Variants in SAMD8 observed in about 807,000 individuals in gnomAD.
The protein encoded by SAMD8 is sterile alpha motif domain containing 8, also known as sphingomyelin synthase-related protein 1.
Under a neutral mutation model 42.0 loss-of-function variants are expected in SAMD8, and 20 were observed. That is an observed-to-expected ratio of 0.48 (90% CI 0.34 to 0.69). SAMD8 has a LOEUF of 0.69. Ranked by LOEUF, SAMD8 falls within the 30% of genes least tolerant of loss-of-function variation. SAMD8 has a pLI of 0.01. For synonymous variants in SAMD8, 162 were observed against 173.0 expected (o/e 0.94, Z 0.50); for missense variants, 328 against 511.6 (o/e 0.64, Z 3.46).
At chr10:75,118,066 C>CT (rs1589932291) in intron 1 of SAMD8, among the ~76,000 whole-genome samples, 1 of 152,240 alleles carries the variant, frequency 6.6e-6, no homozygotes, top group East Asian at 1.9e-4. Context: ...TATATGACAA[C>CT]TTTTTTTGAG....
At chr10:75,160,441 T>G (rs2657283) in intron 2 of SAMD8, among the ~76,000 whole-genome samples, 1 of 151,448 alleles carries the variant, frequency 6.6e-6, no homozygotes, top group Non-Finnish European at 1.5e-5. Context: ...CTCCTGTCCT[T>G]GTGATCCGCC....
chr10:75,158,407 C>T (rs928256450), intron 2 of SAMD8, among the ~76,000 whole-genome samples: 12 of 151,984 alleles, frequency 7.9e-5, no homozygotes, highest in African/African-American at 2.9e-4. Context: ...GCCTGGCCAA[C>T]ATGGCGAAAC....
intron 1 of SAMD8, among the ~76,000 whole-genome samples, chr10:75,132,285 T>G (rs2134447305): frequency 6.6e-6 from 1 of 152,354 alleles, no homozygotes; most frequent in East Asian, 1.9e-4. Context: ...GCGTTCTGAT[T>G]ATTAAATCAG....
intron 3 of SAMD8, 32 bp from the exon 4 acceptor site, chr10:75,168,509 A>G (rs370352799): frequency 6.2e-7 from 1 of 1,606,256 alleles, no homozygotes; most frequent in Non-Finnish European, 8.5e-7. Flanking sequence ...TTTTCTTCTG[A>G]TCTTTCCCCC....
rs1347619339 is a variant in SAMD8 at position 75,179,983 on chromosome 10, G to C, written c.*3291G>C. ...GTTACAAGTCTTCAATGCATTTTCT[G>C]TGTTCCTGGCAGCAGTGTTGCCTTT... On this transcript the variant is annotated 3_prime_UTR_variant, in exon 6 of 6. Transcript: ENST00000542569. 1 of 151,378 alleles carries C rather than the reference G, an allele frequency of 6.6e-6. No individual in the cohort carries two copies. The highest frequency in any genetic ancestry group is 2.4e-5 in the African/African-American group (1 of 41,194). 9.4% of individuals were successfully genotyped at this position (151,378 alleles called of 1,614,324 possible). A position where few individuals can be genotyped will look rare whatever the true frequency, so the allele number is the denominator to read the frequency against.
intron 1 of SAMD8, among the ~76,000 whole-genome samples, chr10:75,135,453 C>CAAA (rs151099768): frequency 0.014 from 1,638 of 117,332 alleles, 29 homozygotes; most frequent in African/African-American, 0.046. Flanking sequence ...AATTCCATCT[C>CAAA]AAAAAAAAAA....
intron 1 of SAMD8, among the ~76,000 whole-genome samples, chr10:75,118,316 G>C (rs12354987): frequency 6.6e-6 from 1 of 152,184 alleles, no homozygotes; most frequent in Non-Finnish European, 1.5e-5. Flanking sequence ...AGATTTTATC[G>C]ATGTTTTGGA....
rs1277342609 is a variant in SAMD8, at chr10:75,177,487, A to G, written c.*795A>G. On this transcript the variant is annotated 3_prime_UTR_variant, in exon 6 of 6. Coordinates refer to ENST00000542569, the MANE Select transcript of SAMD8 (RefSeq NM_001174156.2). Reference sequence around the variant, plus strand: ...GTACCCAGAATAACTTCTTTGTGCTATAGTTGTTAGATGACAGTTCAATTT... The same window carrying G: ...GTACCCAGAATAACTTCTTTGTGCTGTAGTTGTTAGATGACAGTTCAATTT... The G allele has an allele frequency of 6.6e-6, 1 of 152,214 alleles. No individual in the cohort carries two copies. Among genetic ancestry groups the G allele is most frequent in the Admixed American group, 6.5e-5 (1 of 15,284 alleles). 9.4% of individuals were successfully genotyped at this position (152,214 alleles called of 1,614,324 possible). A position where few individuals can be genotyped will look rare whatever the true frequency, so the allele number is the denominator to read the frequency against.
intron 2 of SAMD8, among the ~76,000 whole-genome samples, chr10:75,156,676 G>A (rs1840417520): frequency 6.6e-6 from 1 of 151,300 alleles, no homozygotes; most frequent in Non-Finnish European, 1.5e-5. Flanking sequence ...TAATCACGAA[G>A]AAACAATCAG....
intron 1 of SAMD8, among the ~76,000 whole-genome samples, chr10:75,142,383 A>G (rs1458409866): frequency 6.6e-6 from 1 of 151,540 alleles, no homozygotes. Context: ...GCTATTGTTA[A>G]CATATGTTTT....
intron 1 of SAMD8, among the ~76,000 whole-genome samples, chr10:75,144,728 G>A (rs991088278): frequency 6.6e-6 from 1 of 152,104 alleles, no homozygotes; most frequent in African/African-American, 2.4e-5. Context: ...CGCGATCTCA[G>A]TCCACTGCAG....
intron 2 of SAMD8, among the ~76,000 whole-genome samples, chr10:75,155,770 G>A (rs1477700295): frequency 1.3e-5 from 2 of 152,212 alleles, no homozygotes; most frequent in East Asian, 1.9e-4. Flanking sequence ...TGGGAAGCTG[G>A]TTGAGTAGAC....
intron 1 of SAMD8, among the ~76,000 whole-genome samples, chr10:75,114,194 T>G (rs4746264): frequency 6.6e-6 from 1 of 151,698 alleles, no homozygotes. Context: ...AAAGAATTAA[T>G]CAGGTGTGGT....
chr10:75,176,259 C>T lies in SAMD8; in HGVS notation c.943+43C>T, dbSNP rs1414250070. ...GCTTCTATGCGTATTAGGTAACTAGCTGCAGTGAAGGCTGTGGGAAGGGTG... is the reference window on the plus strand; with the variant it reads ...GCTTCTATGCGTATTAGGTAACTAGTTGCAGTGAAGGCTGTGGGAAGGGTG... On this transcript the variant is annotated intron_variant, in intron 5 of 5. Coordinates refer to ENST00000542569, the MANE Select transcript of SAMD8 (RefSeq NM_001174156.2). The surrounding 1 kb of genome is among the most constrained non-coding windows in gnomAD (Gnocchi z 4.3). The T allele has an allele frequency of 2.5e-6, 4 of 1,613,880 alleles. No individual in the cohort carries two copies. The highest frequency in any genetic ancestry group is 3.4e-6 in the Non-Finnish European group (4 of 1,179,840).
upstream of SAMD8, chr10:75,109,306 C>T (rs1278244312): frequency 5.5e-6 from 4 of 724,502 alleles, no homozygotes; most frequent in African/African-American, 1.9e-5. Context: ...AAGACCTTTT[C>T]CTCCCCAAGC....
At chr10:75,105,306 G>A (rs1848425945) in intron 1 of SAMD8, among the ~76,000 whole-genome samples, 1 of 152,200 alleles carries the variant, frequency 6.6e-6, no homozygotes. Flanking sequence ...AGGCAGGGCA[G>A]GTTGGCCCCA....
At chr10:75,147,046 T>G (rs1320454909) in intron 1 of SAMD8, among the ~76,000 whole-genome samples, 1 of 152,164 alleles carries the variant, frequency 6.6e-6, no homozygotes, top group African/African-American at 2.4e-5. Context: ...CCAAGAGACT[T>G]CCACGTATAA....
At chr10:75,140,450 A>G (rs1466315025) in intron 1 of SAMD8, among the ~76,000 whole-genome samples, 2 of 152,222 alleles carry the variant, frequency 1.3e-5, no homozygotes, top group Non-Finnish European at 2.9e-5. Flanking sequence ...ATGCTTTTGT[A>G]TAATGGGAGG....
chr10:75,138,676 G>A (rs1839949260), intron 1 of SAMD8, among the ~76,000 whole-genome samples: 1 of 152,078 alleles, frequency 6.6e-6, no homozygotes, highest in African/African-American at 2.4e-5. Flanking sequence ...TCTCTAATTA[G>A]TATGAACTAA....
Sources: allele counts gnomAD v4.1 joint callset (sites outside exome capture counted in the v4.1 genomes callset), GRCh38; gene constraint gnomAD v4.1.1; non-coding constraint Gnocchi (gnomAD v3.1); transcripts MANE v1.5; gene names NCBI Gene and HGNC (gene_info 2026-07-23, HGNC 2026-07-21).